The following CBR3 variants were observed in gnomAD, a reference collection of about 807,000 sequenced individuals.
CBR3 encodes carbonyl reductase 3.
Under a neutral mutation model 11.6 loss-of-function variants are expected in CBR3, and 14 were observed. The ratio of observed to expected loss-of-function variants is 1.20; its 90% CI spans 0.79 to 1.88. CBR3 has a LOEUF of 1.88. CBR3 is among the 40% of genes most tolerant of loss of function. The pLI is 0.00. For missense variants in CBR3, 308 were observed against 357.3 expected, an observed-to-expected ratio of 0.86 and a Z score of 1.11; for synonymous variants, 125 against 145.6, an observed-to-expected ratio of 0.86 and a Z score of 1.02.
intron 2 of CBR3, among the ~76,000 whole-genome samples, chr21:36,145,820 A>C (rs1331043548): frequency 6.6e-6 from 1 of 151,930 alleles, no homozygotes; most frequent in Non-Finnish European, 1.5e-5. Flanking sequence ...ATTAGCCAGA[A>C]TATGGTGGCT....
chr21:36,139,316 A>G (rs1474108638), intron 2 of CBR3, among the ~76,000 whole-genome samples: 3 of 151,018 alleles, frequency 2.0e-5, no homozygotes, highest in African/African-American at 7.3e-5. Context: ...TGAGGATTTT[A>G]TTCCCCAAGA....
At position 36,143,074 on chromosome 21, in the gene CBR3, G is replaced by A. The variant is rs566700012; in HGVS notation, c.398-3002G>A. ...AACCCCAGCACTTTGGGAGGCCGAG[G>A]AAGGCAGAGCACCTGAGGTCAGGAG... On this transcript the variant is annotated intron_variant, in intron 2 of 2. Transcript: ENST00000290354. Among the ~76,000 whole-genome samples, 13 of 152,256 alleles carry A rather than the reference G, an allele frequency of 8.5e-5. No individual in the cohort carries two copies. The South Asian group carries it at 2.7e-3, about 32-fold the overall frequency.
chr21:36,141,899 C>T (rs992965285), intron 2 of CBR3: 1 of 982,254 alleles, frequency 1.0e-6, no homozygotes, highest in African/African-American at 1.7e-5. Context: ...TTCTTCCTTT[C>T]CCATTCACAT....
Position 36,135,260 on chromosome 21 carries a change from G to C in CBR3, c.68G>C (p.Arg23Pro). Residue 23 changes from arginine (R) to proline (P), a missense_variant, in exon 1 of 3, where the codon CGC (arginine) becomes CCC (proline). Transcript: ENST00000290354. ...AGGGGCATCGGCTTGGCCATCGCGC[G>C]CGAACTGTGCCGACAGTTCTCTGGG... ...ANRGIGLAIA[R>P]ELCRQFSGDV... 1 of 1,590,106 alleles carries C rather than the reference G, an allele frequency of 6.3e-7. No homozygotes were observed. Among genetic ancestry groups the C allele is most frequent in the Non-Finnish European group, 8.5e-7 (1 of 1,169,802 alleles).
rs199925727 is a variant in CBR3 at position 36,146,147 on chromosome 21, A to G, written c.469A>G (p.Arg157Gly). 2 of 1,613,870 alleles carry G rather than the reference A, an allele frequency of 1.2e-6. No individual in the cohort carries two copies. The highest frequency in any genetic ancestry group is 2.7e-5 in the African/African-American group (2 of 74,888). ...FENCSEDLQE[R>G]FHSETLTEGD... The stretch of plus-strand genomic sequence containing the variant: ...AAACTGCAGTGAAGATCTGCAGGAA[A>G]GGTTCCACAGTGAGACACTCACAGA... Residue 157 changes from arginine (R) to glycine (G), a missense_variant, in exon 3 of 3, where the codon AGG becomes GGG. Arg to Gly is a moderately radical substitution (Grantham distance 125). Coordinates refer to ENST00000290354, the MANE Select transcript of CBR3 (RefSeq NM_001236.4).
intron 2 of CBR3, 38 bp from the exon 3 acceptor site, chr21:36,146,038 C>T: frequency 7.2e-7 from 1 of 1,394,462 alleles, no homozygotes; most frequent in Non-Finnish European, 1.0e-6. Flanking sequence ...GGTTGTACCT[C>T]TGTGATATGC....
chr21:36,145,906 G>A (rs1167349744), intron 2 of CBR3, among the ~76,000 whole-genome samples, 170 bp from the exon 3 acceptor site: 2 of 150,878 alleles, frequency 1.3e-5, no homozygotes, highest in African/African-American at 2.4e-5. Context: ...GTTTGCAGTG[G>A]GCCGAGATGG....
intron 1 of CBR3, chr21:36,137,087 T>G (rs2065665808): frequency 1.4e-5 from 2 of 146,684 alleles, no homozygotes; most frequent in Non-Finnish European, 3.0e-5. Flanking sequence ...AGCTCCCTCC[T>G]ACGCACCTTT....
chr21:36,137,994 C>G (rs761042532), intron 2 of CBR3, 62 bp downstream of exon 2: 9 of 890,836 alleles, frequency 1.0e-5, no homozygotes, highest in Non-Finnish European at 1.7e-5. Flanking sequence ...TACAGGCTTC[C>G]CGGAGCAGGG....
chr21:36,141,757 C>CTGGCTGACG, intron 2 of CBR3: 1 of 181,234 alleles, frequency 5.5e-6, no homozygotes, highest in African/African-American at 2.4e-5. Context: ...GATGACGCAT[C>CTGGCTGACG]TGGCTGACGA....
At chr21:36,140,009 C>T (rs975102071) in intron 2 of CBR3, among the ~76,000 whole-genome samples, 19 of 151,638 alleles carry the variant, frequency 1.3e-4, no homozygotes, top group Non-Finnish European at 2.5e-4. Context: ...GCCCCAGCCT[C>T]TCAAGTAGCT....
intron 2 of CBR3, among the ~76,000 whole-genome samples, chr21:36,139,845 T>TAAAC (rs1438170492): frequency 2.0e-5 from 3 of 148,012 alleles, no homozygotes; most frequent in South Asian, 2.2e-4. Context: ...CTCATCACTT[T>TAAAC]AAACAAACAA....
chr21:36,140,032 G>A (rs572605865), intron 2 of CBR3, among the ~76,000 whole-genome samples: 5 of 151,914 alleles, frequency 3.3e-5, no homozygotes, highest in African/African-American at 1.2e-4. Flanking sequence ...GTTTACAGGC[G>A]AGCACCACCA....
intron 2 of CBR3, among the ~76,000 whole-genome samples, chr21:36,140,188 C>T (rs767565657): frequency 1.9e-4 from 29 of 152,132 alleles, no homozygotes; most frequent in Non-Finnish European, 3.4e-4. Flanking sequence ...CGCACTCAGA[C>T]GCAAAAAGTT....
chr21:36,140,874 G>A (rs995210437), intron 2 of CBR3, among the ~76,000 whole-genome samples: 6 of 151,896 alleles, frequency 4.0e-5, no homozygotes, highest in African/African-American at 1.2e-4. Flanking sequence ...CAGGCATGGT[G>A]GTGGGCACCT....
At chr21:36,138,543 TC>T (rs2065680775) in intron 2 of CBR3, 1 of 152,222 alleles carries the variant, frequency 6.6e-6, no homozygotes, top group Admixed American at 6.6e-5. Context: ...ATGCTGTGAG[TC>T]CCCAAAGGCC....
intron 2 of CBR3, among the ~76,000 whole-genome samples, chr21:36,142,473 C>T (rs1397458650): frequency 1.4e-5 from 2 of 140,488 alleles, no homozygotes; most frequent in African/African-American, 5.4e-5. Flanking sequence ...CTACTTTGGA[C>T]CCTGGATTAA....
intron 2 of CBR3, among the ~76,000 whole-genome samples, 195 bp downstream of exon 2, chr21:36,138,127 AGTTTAGTTTT>A (rs1053502348): frequency 4.8e-5 from 7 of 145,766 alleles, no homozygotes; most frequent in Admixed American, 1.4e-4. Flanking sequence ...AGTTTAGTTT[AGTTTAGTTTT>A]GTTTTGTTTG....
intron 1 of CBR3, 66 bp downstream of exon 1, chr21:36,135,547 G>C: frequency 6.9e-7 from 1 of 1,447,540 alleles, no homozygotes; most frequent in Non-Finnish European, 9.3e-7. Context: ...GCCAGCCGCA[G>C]GCTCCCCACC....
Sources: gnomAD v4.1 joint callset for allele counts (sites outside exome capture counted in the v4.1 genomes callset) on GRCh38, gnomAD v4.1.1 for gene constraint, MANE v1.5 for transcripts, NCBI Gene and HGNC (gene_info 2026-07-23, HGNC 2026-07-21) for gene names.